PRIM2: variants seen among roughly 807,000 people sequenced by gnomAD.
PRIM2 encodes DNA primase subunit 2, also known as DNA primase large subunit.
Under a neutral mutation model 67.3 loss-of-function variants are expected in PRIM2, and 39 were observed. The observed-to-expected ratio is 0.58, with a 90% confidence interval of 0.45 to 0.76. The LOEUF is 0.76. Ranked by LOEUF, PRIM2 falls within the 30% of genes least tolerant of loss-of-function variation. The pLI, the probability that PRIM2 is intolerant of heterozygous loss-of-function variation, is 0.00. For synonymous variants in PRIM2, 143 were observed against 198.7 expected (o/e 0.72, Z 2.36); for missense variants, 398 against 598.7 (o/e 0.66, Z 3.50).
chr6:57,480,660 C>T (rs1773598960), intron 7 of PRIM2, among the ~76,000 whole-genome samples: 1 of 152,172 alleles, frequency 6.6e-6, no homozygotes, highest in African/African-American at 2.4e-5. Flanking sequence ...GATGGAGTCT[C>T]ACTCTGTCGC....
the PRIM2 span, among the ~76,000 whole-genome samples, chr6:57,239,675 G>A: frequency 1.6e-4 from 25 of 152,272 alleles, no homozygotes; most frequent in African/African-American, 5.3e-4. Flanking sequence ...AGCCTGGGGA[G>A]GTCGAGGCTG....
At chr6:57,522,827 CAGTAAAGCTTTATAAAA>C (rs1476354567) in intron 8 of PRIM2, among the ~76,000 whole-genome samples, 12 of 152,272 alleles carry the variant, frequency 7.9e-5, no homozygotes, top group African/African-American at 2.9e-4. Context: ...TACTATATAA[CAGTAAAGCTTTATAAAA>C]ATGGATTTCA....
chr6:57,545,310 C>T (rs2127473120), intron 10 of PRIM2, among the ~76,000 whole-genome samples: 1 of 152,112 alleles, frequency 6.6e-6, no homozygotes, highest in Admixed American at 6.5e-5. Context: ...CATATTCCAT[C>T]TACTTGGCAT....
chr6:57,248,809 G>GCTCCCTGCCTCCAGACCCTATT, the PRIM2 span, among the ~76,000 whole-genome samples: 1 of 152,188 alleles, frequency 6.6e-6, no homozygotes. Flanking sequence ...TGAGCCTTAG[G>GCTCCCTGCCTCCAGACCCTATT]CTCCCTGCCT....
chr6:57,362,094 G>A (rs1030535420), intron 5 of PRIM2, among the ~76,000 whole-genome samples: 5 of 152,104 alleles, frequency 3.3e-5, no homozygotes, highest in African/African-American at 1.2e-4. Flanking sequence ...ATTGAATTGG[G>A]TCAACAAATA....
intron 7 of PRIM2, among the ~76,000 whole-genome samples, chr6:57,384,915 T>C (rs1368601170): frequency 2.6e-5 from 4 of 152,254 alleles, no homozygotes; most frequent in Non-Finnish European, 5.9e-5. Flanking sequence ...TGATTTTGTG[T>C]ATTGCAAAGT....
upstream of PRIM2, among the ~76,000 whole-genome samples, chr6:57,311,429 C>T (rs1388008439): frequency 5.5e-5 from 8 of 145,002 alleles, no homozygotes; most frequent in East Asian, 2.2e-4. Flanking sequence ...ACTTCCCATT[C>T]GGGGCAGCCG....
At chr6:57,619,710 C>G (rs1776817701) in intron 12 of PRIM2, among the ~76,000 whole-genome samples, 1 of 152,020 alleles carries the variant, frequency 6.6e-6, no homozygotes, top group Non-Finnish European at 1.5e-5. Flanking sequence ...CCCAATCCAA[C>G]AAAGACAAAG....
chr6:57,299,631 C>T, the PRIM2 span, among the ~76,000 whole-genome samples: 1 of 152,062 alleles, frequency 6.6e-6, no homozygotes, highest in African/African-American at 2.4e-5. Flanking sequence ...ATTTTGAAAC[C>T]AATGAAGAAT....
intron 8 of PRIM2, among the ~76,000 whole-genome samples, chr6:57,531,165 G>C (rs1310230623): frequency 6.6e-6 from 1 of 152,052 alleles, no homozygotes; most frequent in East Asian, 1.9e-4. Flanking sequence ...TTGTTTGTTT[G>C]TTTTTTTGAG....
chr6:57,606,526 T>C (rs1247007681), intron 12 of PRIM2, 69 bp downstream of exon 12: 171 of 1,278,832 alleles, frequency 1.3e-4, no homozygotes, highest in Non-Finnish European at 1.8e-4. Context: ...TTTTATTTAA[T>C]GTTCTTGCAG....
At chr6:57,553,291 C>A (rs1370552381) in intron 10 of PRIM2, among the ~76,000 whole-genome samples, 6 of 152,050 alleles carry the variant, frequency 3.9e-5, no homozygotes, top group Admixed American at 6.5e-5. Flanking sequence ...TCTTTACCAA[C>A]AAAGGAAAGA....
At chr6:57,230,730 A>T in the PRIM2 span, among the ~76,000 whole-genome samples, 1 of 152,248 alleles carries the variant, frequency 6.6e-6, no homozygotes, top group Admixed American at 6.5e-5. Context: ...TTAGGCAAAG[A>T]CCCTGGTACT....
chr6:57,557,682 C>T (rs1472618404), intron 10 of PRIM2, among the ~76,000 whole-genome samples: 3 of 150,910 alleles, frequency 2.0e-5, no homozygotes, highest in South Asian at 2.1e-4. Flanking sequence ...AAGCTTAGTA[C>T]GTGGGTGATG....
chr6:57,568,421 G>C (rs1245810072), intron 10 of PRIM2, among the ~76,000 whole-genome samples: 4 of 152,066 alleles, frequency 2.6e-5, no homozygotes, highest in Non-Finnish European at 5.9e-5. Flanking sequence ...GAAGAACTGT[G>C]GGTTTGCAGG....
At chr6:57,403,203 G>A (rs952883062) in intron 7 of PRIM2, among the ~76,000 whole-genome samples, 4 of 151,258 alleles carry the variant, frequency 2.6e-5, no homozygotes, top group African/African-American at 9.7e-5. Context: ...ATTCCAAAGT[G>A]CTGTGTATAT....
chr6:57,441,382 C>CT (rs992057087), intron 7 of PRIM2, among the ~76,000 whole-genome samples: 2 of 152,000 alleles, frequency 1.3e-5, no homozygotes, highest in East Asian at 1.9e-4. Flanking sequence ...TAACATTTTT[C>CT]TTTTTTTTCT....
intron 5 of PRIM2, among the ~76,000 whole-genome samples, chr6:57,364,412 T>A (rs986838732): frequency 1.7e-4 from 26 of 152,210 alleles, no homozygotes; most frequent in African/African-American, 5.5e-4. Context: ...GGGTATTATG[T>A]CAGGTATTAA....
Position 57,621,909 on chromosome 6 carries a change from T to G in PRIM2, c.1231-10224T>G, listed in dbSNP as rs1438952033. Reference sequence around the variant, plus strand: ...CCCTCAGCATTTGTTTATCTGGGAATGTCTTACTTTTTCCTTATGAATCTT... The same window carrying G: ...CCCTCAGCATTTGTTTATCTGGGAAGGTCTTACTTTTTCCTTATGAATCTT... On this transcript the variant is annotated intron_variant, in intron 12 of 13. Transcript: ENST00000615550. Among the ~76,000 whole-genome samples, 15 of 152,300 alleles carry G rather than the reference T, an allele frequency of 9.8e-5. 1 individual carries two copies. Among genetic ancestry groups the G allele is most frequent in the Admixed American group, 5.9e-4 (9 of 15,294 alleles).
Sources: allele counts gnomAD v4.1 joint callset (sites outside exome capture counted in the v4.1 genomes callset), GRCh38; gene constraint gnomAD v4.1.1; transcripts MANE v1.5; gene names NCBI Gene and HGNC (gene_info 2026-07-23, HGNC 2026-07-21).